The following ALPK3 variants were observed in gnomAD, a reference collection of about 807,000 sequenced individuals.
ALPK3 encodes alpha kinase 3, also known as alpha-protein kinase 3.
ALPK3 carries 102 observed loss-of-function variants against 140.0 expected under a neutral mutation model. The observed-to-expected ratio is 0.73, with a 90% CI of 0.62 to 0.86. The LOEUF is 0.86. ALPK3 is among the 40% of genes least tolerant of loss of function. ALPK3 has a pLI of 0.00. For synonymous variants in ALPK3, 938 were observed against 898.5 expected, an observed-to-expected ratio of 1.04 and a Z score of -0.79; for missense variants, 2,254 against 2,208.2, an observed-to-expected ratio of 1.02 and a Z score of -0.42.
chr15:84,864,806 A>T, intron 12 of ALPK3, 141 bp downstream of exon 12: 1 of 946,458 alleles, frequency 1.1e-6, no homozygotes, highest in Non-Finnish European at 1.6e-6. Flanking sequence ...TAATCTTGTA[A>T]AGTAGATTGG....
rs776555228 is a variant in ALPK3, at chr15:84,823,337, A to G, written c.151A>G (p.Ser51Gly). ...LSVRPETSLS[S>G]NRLSHPSSGR... is the part of the protein sequence containing the mutation. ...TTTGCTGTTTTTGCTTAGCTTATCA[A>G]GCAACCGGTTGTCTCACCCCAGCTC... The change falls in exon 2 of 14, where the codon AGC (serine) becomes GGC (glycine). Residue 51 changes from serine (S) to glycine (G), a missense_variant. By Grantham distance (56) the Ser-to-Gly change is moderately conservative. Transcript: ENST00000258888. 5 of 1,614,028 alleles carry G rather than the reference A, an allele frequency of 3.1e-6. No individual in the cohort carries two copies. In the East Asian group the frequency reaches 1.1e-4, roughly 36 times the overall value.
chr15:84,861,087 C>T (rs1048933945), intron 9 of ALPK3, among the ~76,000 whole-genome samples: 1 of 152,196 alleles, frequency 6.6e-6, no homozygotes, highest in African/African-American at 2.4e-5. Flanking sequence ...TATCATCAAA[C>T]ATCCAGTCAG....
chr15:84,844,213 G>A lies in ALPK3; in HGVS notation c.1653+3281G>A, dbSNP rs2141559604. On this transcript the variant is annotated intron_variant, in intron 5 of 13. Transcript: ENST00000258888. ...ACTGCACTCCAGCCTGGGTGACAGA[G>A]TGAGGCTCCATCTCAAAAAAACCCA... Among the ~76,000 whole-genome samples the A allele has an allele frequency of 2.0e-5, 3 of 152,238 alleles. 1 individual carries two copies. The South Asian group carries it at 6.2e-4, about 32-fold the overall frequency.
rs1964025061 is a variant in ALPK3, at chr15:84,868,287, C to G, written c.4949C>G (p.Ser1650Cys). 3.7e-6 allele frequency: 6 copies of G among 1,614,102 alleles called. No homozygotes were observed. The East Asian group carries it at 1.3e-4, about 36-fold the overall frequency. The change falls in exon 14 of 14, where the codon TCC (serine) becomes TGC (cysteine). Residue 1650 changes from serine (S) to cysteine (C), a missense_variant. Coordinates refer to ENST00000258888, the MANE Select transcript of ALPK3 (RefSeq NM_020778.5). ...AGTCCATCTGCTGGCAGGAAAGGCT[C>G]CCAGCTGAGTCCTCAGCCCCAGAAG... ...SKSPSAGRKG[S>C]QLSPQPQKKG...
chr15:84,825,496 A>C (rs1197161873), intron 2 of ALPK3, among the ~76,000 whole-genome samples: 1 of 152,072 alleles, frequency 6.6e-6, no homozygotes, highest in Non-Finnish European at 1.5e-5. Flanking sequence ...ATCTAGCATG[A>C]GCATTTGTCT....
chr15:84,847,790 G>T (rs983307027), intron 5 of ALPK3, among the ~76,000 whole-genome samples: 6 of 152,214 alleles, frequency 3.9e-5, no homozygotes, highest in Non-Finnish European at 7.3e-5. Context: ...TGGGAGCTGT[G>T]GCTCACGCCT....
chr15:84,856,849 T>G lies in ALPK3; in HGVS notation c.2111T>G (p.Met704Arg), dbSNP rs765528211. ...EDRRMQGEKG[M>R]QGEKGTQSEG... ...AGAAGGATGCAGGGAGAGAAGGGGA[T>G]GCAGGGAGAGAAGGGGACGCAGTCA... is the stretch of plus-strand genomic sequence containing the variant. The change falls in exon 6 of 14, where the codon ATG becomes AGG. Residue 704 changes from methionine to arginine, a missense_variant. By Grantham distance (91) the Met-to-Arg change is moderately conservative (BLOSUM62 -1). Transcript: ENST00000258888. 3.1e-6 allele frequency: 5 copies of G among 1,613,614 alleles called. No homozygotes were observed. Among genetic ancestry groups the G allele is most frequent in the Non-Finnish European group, 3.4e-6 (4 of 1,179,818 alleles).
intron 1 of ALPK3, among the ~76,000 whole-genome samples, chr15:84,821,255 A>G (rs1355148575): frequency 2.0e-5 from 3 of 152,136 alleles, no homozygotes; most frequent in Non-Finnish European, 4.4e-5. Context: ...CTGACTAACA[A>G]TGTAAGGGCG....
intron 3 of ALPK3, among the ~76,000 whole-genome samples, chr15:84,831,554 G>C (rs1963545441): frequency 6.6e-6 from 1 of 152,242 alleles, no homozygotes; most frequent in Non-Finnish European, 1.5e-5. Flanking sequence ...CATGAATGTA[G>C]TATCTTTTCT....
intron 1 of ALPK3, 135 bp from the exon 2 acceptor site, chr15:84,823,195 A>C (rs1963447110): frequency 1.0e-6 from 1 of 954,940 alleles, no homozygotes; most frequent in South Asian, 1.5e-5. Flanking sequence ...CAGGCCAACT[A>C]AGACAGCTGG....
At chr15:84,827,912 A>G (rs1963507574) in intron 3 of ALPK3, among the ~76,000 whole-genome samples, 1 of 152,228 alleles carries the variant, frequency 6.6e-6, no homozygotes, top group African/African-American at 2.4e-5. Flanking sequence ...AAGTACTCCA[A>G]TGGAAAGAGA....
intron 3 of ALPK3, among the ~76,000 whole-genome samples, chr15:84,832,667 C>T (rs765853367): frequency 1.2e-4 from 18 of 152,344 alleles, no homozygotes; most frequent in South Asian, 2.1e-4. Context: ...ATACACCTGA[C>T]ACATCATGCC....
intron 12 of ALPK3, 109 bp from the exon 13 acceptor site, chr15:84,867,208 A>G: frequency 2.0e-6 from 2 of 1,008,490 alleles, no homozygotes; most frequent in Non-Finnish European, 1.4e-6. Context: ...CCATGTCTCC[A>G]GCAGGAAGAG....
rs1395669943 is a variant in ALPK3, at chr15:84,869,679, C to T, written c.*1223C>T. ...CTTCCAGAGCATCCCTCCTGGAGGC[C>T]TGGGATGGGGTAGGTCTGCAGCTAG... On this transcript the variant is annotated 3_prime_UTR_variant, in exon 14 of 14. Transcript: ENST00000258888. 1 of 152,632 alleles carries T rather than the reference C, an allele frequency of 6.6e-6. No homozygotes were observed. The highest frequency in any genetic ancestry group is 2.4e-5 in the African/African-American group (1 of 41,424). The allele number at this position is 152,632 out of a possible 1,614,324, so 9.5% of individuals were successfully genotyped here. A position where few individuals can be genotyped will look rare whatever the true frequency, so the allele number is the denominator to read the frequency against.
In ALPK3 at chr15:84,857,533, G is replaced by A. The variant is rs752515274; in HGVS notation, c.2795G>A (p.Ser932Asn). The A allele has an allele frequency of 6.3e-7, 1 of 1,592,376 alleles. No homozygotes were observed. Among genetic ancestry groups the A allele is most frequent in the South Asian group, 1.1e-5 (1 of 87,052 alleles). ...CCACCAGAAACCATGGCCACCAGCA[G>A]TGAGGGGGCCTGCGCCCAGGTACCA... ...SHPPETMATS[S>N]EGACAQVPDV... Residue 932 changes from serine to asparagine, a missense_variant, in exon 6 of 14, where the codon AGT becomes AAT. This residue lies in a region of ALPK3 where 2,088 missense variants were observed against 2,022.9 expected (regional missense o/e 1.03). Coordinates refer to ENST00000258888, the MANE Select transcript of ALPK3 (RefSeq NM_020778.5).
intron 5 of ALPK3, among the ~76,000 whole-genome samples, chr15:84,851,268 A>G (rs1457533114): frequency 6.6e-6 from 1 of 152,158 alleles, no homozygotes; most frequent in Admixed American, 6.6e-5. Context: ...TGGTACAGAA[A>G]AAAGTACATA....
At chr15:84,856,041 A>T (rs1471966112) in intron 5 of ALPK3, among the ~76,000 whole-genome samples, 2 of 152,160 alleles carry the variant, frequency 1.3e-5, no homozygotes, top group Admixed American at 6.5e-5. Context: ...GGGAGAGGAC[A>T]GTCTCCTTCA....
chr15:84,849,331 C>T (rs1395461356), intron 5 of ALPK3, among the ~76,000 whole-genome samples: 1 of 152,144 alleles, frequency 6.6e-6, no homozygotes, highest in Non-Finnish European at 1.5e-5. Context: ...GACTTTAACA[C>T]TCCTCTCTCT....
chr15:84,837,030 G>A (rs1422729415), intron 3 of ALPK3, among the ~76,000 whole-genome samples: 3 of 152,198 alleles, frequency 2.0e-5, no homozygotes, highest in Non-Finnish European at 2.9e-5. Flanking sequence ...ATGGGCATAG[G>A]AATTGGATTT....
Sources: gnomAD v4.1 joint callset for allele counts (sites outside exome capture counted in the v4.1 genomes callset) on GRCh38, gnomAD v4.1.1 for gene constraint, gnomAD v4.1.1 regional missense constraint, MANE v1.5 for transcripts, NCBI Gene and HGNC (gene_info 2026-07-23, HGNC 2026-07-21) for gene names.